ADAMTS16: variants seen among roughly 807,000 people sequenced by gnomAD.
ADAMTS16 encodes ADAM metallopeptidase with thrombospondin type 1 motif 16.
Under a neutral mutation model 145.8 loss-of-function variants are expected in ADAMTS16, and 94 were observed. That is an observed-to-expected ratio of 0.64 (90% CI 0.55 to 0.77). The LOEUF (loss-of-function observed/expected upper bound fraction) is 0.77. Among genes scored for constraint, ADAMTS16 ranks in the 30% least tolerant of loss-of-function variants. ADAMTS16 has a pLI of 0.00. For synonymous variants in ADAMTS16, 659 were observed against 604.3 expected, an observed-to-expected ratio of 1.09 and a Z score of -1.33; for missense variants, 1,585 against 1,591.5, an observed-to-expected ratio of 1.00 and a Z score of 0.07.
intron 8 of ADAMTS16, among the ~76,000 whole-genome samples, chr5:5,198,788 A>G (rs2126588626): frequency 6.6e-6 from 1 of 152,290 alleles, no homozygotes; most frequent in African/African-American, 2.4e-5. Context: ...GATTCTCTTG[A>G]CACCTTTTGG....
chr5:5,184,792 C>A (rs1331548262), intron 4 of ADAMTS16, among the ~76,000 whole-genome samples: 1 of 152,030 alleles, frequency 6.6e-6, no homozygotes. Flanking sequence ...AGATCACCAC[C>A]CCACGGAGTT....
intron 8 of ADAMTS16, among the ~76,000 whole-genome samples, chr5:5,196,283 A>G (rs928841209): frequency 2.0e-5 from 3 of 149,320 alleles, no homozygotes; most frequent in Admixed American, 6.7e-5. Flanking sequence ...TATTGGTATC[A>G]CTAGTAGTTA....
rs1734116698 is a variant in ADAMTS16, at chr5:5,317,854, C to T, written c.3412-280C>T. 6.6e-6 allele frequency among the ~76,000 whole-genome samples: 1 copy of T among 151,528 alleles called. No individual in the cohort carries two copies. Among genetic ancestry groups the T allele is most frequent in the South Asian group, 2.1e-4 (1 of 4,796 alleles). ...CTCAAGGCTGTCTTCTATCTGAAAA[C>T]AGGAAGGGTTCCAGGAGCTATGTCA... On this transcript the variant is annotated intron_variant, in intron 21 of 22. Coordinates refer to ENST00000274181, the MANE Select transcript of ADAMTS16 (RefSeq NM_139056.4). The surrounding 1 kb of genome is among the most constrained non-coding windows in gnomAD (Gnocchi z 4.5).
chr5:5,234,632 G>A (rs965527135), intron 12 of ADAMTS16, among the ~76,000 whole-genome samples: 1 of 152,144 alleles, frequency 6.6e-6, no homozygotes, highest in African/African-American at 2.4e-5. Context: ...AGTACTTTGG[G>A]AGGTTGAGGT....
intron 11 of ADAMTS16, among the ~76,000 whole-genome samples, chr5:5,224,970 T>G (rs1472080370): frequency 6.6e-6 from 1 of 152,144 alleles, no homozygotes; most frequent in Non-Finnish European, 1.5e-5. Flanking sequence ...TGATTTCCAT[T>G]GATATTTGAC....
At chr5:5,272,525 C>T (rs1055400922) in intron 18 of ADAMTS16, among the ~76,000 whole-genome samples, 1 of 148,108 alleles carries the variant, frequency 6.8e-6, no homozygotes, top group Non-Finnish European at 1.5e-5. Flanking sequence ...CTACGCCTGG[C>T]TAATTTTTTT....
chr5:5,315,064 C>T (rs1410944499), intron 21 of ADAMTS16, among the ~76,000 whole-genome samples: 3 of 152,168 alleles, frequency 2.0e-5, no homozygotes, highest in Admixed American at 2.0e-4. Context: ...ACTCACAGTT[C>T]CGCAGGACTG....
intron 7 of ADAMTS16, among the ~76,000 whole-genome samples, chr5:5,191,264 G>A (rs1300500399): frequency 6.6e-6 from 1 of 152,162 alleles, no homozygotes; most frequent in East Asian, 1.9e-4. Flanking sequence ...TAAAGCTGGG[G>A]GTGGTCTTGG....
chr5:5,140,450 C>T lies in ADAMTS16; in HGVS notation c.-18C>T, dbSNP rs148213000. 1.7e-5 allele frequency: 26 copies of T among 1,503,858 alleles called. No individual in the cohort carries two copies. The East Asian group carries it at 6.9e-4, about 40-fold the overall frequency. The allele number at this position is 1,503,858 out of a possible 1,614,324, so 93.2% of individuals were successfully genotyped here. A position where few individuals can be genotyped will look rare whatever the true frequency, so the allele number is the denominator to read the frequency against. On this transcript the variant is annotated 5_prime_UTR_variant, in exon 1 of 23. Coordinates refer to ENST00000274181, the MANE Select transcript of ADAMTS16 (RefSeq NM_139056.4). Reference sequence around the variant, plus strand: ...CGGGGACCCTCCGGTGGCCCCTAGCCCCTCGGAGCGCTCCTGGATGAAGCC... The same window carrying T: ...CGGGGACCCTCCGGTGGCCCCTAGCTCCTCGGAGCGCTCCTGGATGAAGCC...
chr5:5,156,573 T>A (rs1350208992), intron 3 of ADAMTS16, among the ~76,000 whole-genome samples: 1 of 152,184 alleles, frequency 6.6e-6, no homozygotes, highest in Non-Finnish European at 1.5e-5. Context: ...TCAGACACAA[T>A]GTGTCCGGAC....
chr5:5,205,778 A>G (rs528268936), intron 9 of ADAMTS16, among the ~76,000 whole-genome samples: 1 of 152,082 alleles, frequency 6.6e-6, no homozygotes. Flanking sequence ...ACTTTTTGTT[A>G]TTCTTGTTGT....
In ADAMTS16 at chr5:5,303,453, C is replaced by T; in HGVS notation, c.2975C>T (p.Ala992Val). 1 of 1,610,962 alleles carries T rather than the reference C, an allele frequency of 6.2e-7. No homozygotes were observed. The highest frequency in any genetic ancestry group is 1.3e-5 in the African/African-American group (1 of 75,024). Residue 992 changes from alanine (A) to valine (V), a missense_variant, in exon 19 of 23, where the codon GCC (alanine) becomes GTC (valine). Transcript: ENST00000274181. ...NSQSCPPAWS[A>V]GPWAECSHTC... is the part of the protein sequence containing the mutation. ...CAGAGCTGCCCACCTGCATGGAGCG[C>T]CGGGCCCTGGGCAGAGGTAACCAGG...
At chr5:5,271,026 TGAA>T (rs1247653618) in intron 18 of ADAMTS16, among the ~76,000 whole-genome samples, 1 of 152,176 alleles carries the variant, frequency 6.6e-6, no homozygotes, top group Non-Finnish European at 1.5e-5. Flanking sequence ...ATGTTCAACT[TGAA>T]GGAGGGTTCC....
At chr5:5,282,597 G>T (rs1738962177) in intron 18 of ADAMTS16, among the ~76,000 whole-genome samples, 1 of 152,234 alleles carries the variant, frequency 6.6e-6, no homozygotes, top group Non-Finnish European at 1.5e-5. Context: ...GGTTCCTAAA[G>T]CTTACTCCCC....
At chr5:5,187,539 C>T (rs1369475391) in intron 5 of ADAMTS16, among the ~76,000 whole-genome samples, 186 bp from the exon 6 acceptor site, 1 of 152,210 alleles carries the variant, frequency 6.6e-6, no homozygotes. Context: ...AAGAGGTGGA[C>T]CCCACTCCCA....
At chr5:5,204,529 C>T (rs1020778969) in intron 9 of ADAMTS16, among the ~76,000 whole-genome samples, 9 of 152,172 alleles carry the variant, frequency 5.9e-5, no homozygotes, top group Admixed American at 2.0e-4. Flanking sequence ...TGACATGGAA[C>T]CCTGTGTATT....
intron 18 of ADAMTS16, among the ~76,000 whole-genome samples, chr5:5,266,337 A>T (rs1254622823): frequency 6.6e-6 from 1 of 152,166 alleles, no homozygotes; most frequent in Admixed American, 6.5e-5. Flanking sequence ...ACACCCCTGA[A>T]GAGGCCCCTT....
chr5:5,262,354 G>A (rs1560974987), intron 17 of ADAMTS16, among the ~76,000 whole-genome samples: 1 of 152,212 alleles, frequency 6.6e-6, no homozygotes, highest in East Asian at 1.9e-4. Flanking sequence ...TAGAAAAGAA[G>A]CAGGTACATT....
intron 18 of ADAMTS16, among the ~76,000 whole-genome samples, chr5:5,299,702 C>A (rs905644056): frequency 6.6e-6 from 1 of 152,092 alleles, no homozygotes; most frequent in African/African-American, 2.4e-5. Flanking sequence ...TGGGAGGGAG[C>A]CTTGGGCAGT....
Sources: gnomAD v4.1 joint callset for allele counts (sites outside exome capture counted in the v4.1 genomes callset) on GRCh38, gnomAD v4.1.1 for gene constraint, Gnocchi (gnomAD v3.1) non-coding constraint, MANE v1.5 for transcripts, NCBI Gene and HGNC (gene_info 2026-07-23, HGNC 2026-07-21) for gene names.